The following DAAM2 variants were observed in gnomAD, a reference collection of about 807,000 sequenced individuals.
DAAM2 encodes the protein dishevelled associated activator of morphogenesis 2.
A neutral mutation model predicts 120.7 loss-of-function variants in DAAM2; 39 were observed. The ratio of observed to expected loss-of-function variants is 0.32; its 90% CI spans 0.25 to 0.42. The LOEUF (loss-of-function observed/expected upper bound fraction) is 0.42. Ranked by LOEUF, DAAM2 falls within the 10% of genes least tolerant of loss-of-function variation. DAAM2 has a pLI of 1.00. For missense variants in DAAM2, 1,283 were observed against 1,401.7 expected (o/e 0.92, Z 1.35); for synonymous variants, 488 against 524.9 (o/e 0.93, Z 0.96).
rs1764941780 is a variant in DAAM2 at position 39,878,021 on chromosome 6, A to G, written c.1302-182A>G. Among the ~76,000 whole-genome samples the G allele has an allele frequency of 6.6e-6, 1 of 152,158 alleles. No homozygotes were observed. Among genetic ancestry groups the G allele is most frequent in the Non-Finnish European group, 1.5e-5 (1 of 68,024 alleles). On this transcript the variant is annotated intron_variant, in intron 11 of 24. Coordinates refer to ENST00000274867, the MANE Select transcript of DAAM2 (RefSeq NM_001201427.2). This position sits in a 1 kb window ranked among gnomAD's most constrained non-coding sequence, Gnocchi z 5.0. ...TCTCTCACGGTCTCCACAGACACAT[A>G]ATGTGAACGGGGCAGGGGACCTGGA...
chr6:39,803,368 C>T (rs183666576), intron 1 of DAAM2, among the ~76,000 whole-genome samples: 21 of 152,302 alleles, frequency 1.4e-4, no homozygotes, highest in African/African-American at 3.6e-4. Context: ...ATTCCTGAGA[C>T]GTTCACAGCT....
At chr6:39,819,404 A>G (rs2114118859) in intron 1 of DAAM2, 1 of 152,322 alleles carries the variant, frequency 6.6e-6, no homozygotes, top group South Asian at 2.1e-4. Context: ...CTAACATTTG[A>G]CACATCTAAT....
At chr6:39,823,996 G>C (rs988695279) in intron 1 of DAAM2, among the ~76,000 whole-genome samples, 1 of 152,054 alleles carries the variant, frequency 6.6e-6, no homozygotes, top group African/African-American at 2.4e-5. Context: ...GCCCTGGGTG[G>C]TCATTCTGGT....
intron 1 of DAAM2, among the ~76,000 whole-genome samples, chr6:39,844,456 G>C (rs1460849633): frequency 6.6e-6 from 1 of 152,038 alleles, no homozygotes; most frequent in African/African-American, 2.4e-5. Flanking sequence ...AAGAGCCCTA[G>C]TTTGGGCATC....
intron 1 of DAAM2, among the ~76,000 whole-genome samples, chr6:39,804,263 G>C (rs1232409736): frequency 1.3e-5 from 2 of 152,136 alleles, no homozygotes; most frequent in African/African-American, 4.8e-5. Flanking sequence ...AGACTCTTCT[G>C]TTAACAGATT....
chr6:39,892,195 G>C (rs1363425465), intron 19 of DAAM2, among the ~76,000 whole-genome samples: 1 of 152,204 alleles, frequency 6.6e-6, no homozygotes, highest in Non-Finnish European at 1.5e-5. Flanking sequence ...TCTGAGTCAG[G>C]AACACTTCCA....
intron 10 of DAAM2, among the ~76,000 whole-genome samples, chr6:39,874,013 CACCATAATGGT>C (rs1272791357): frequency 1.3e-5 from 2 of 152,300 alleles, no homozygotes; most frequent in East Asian, 3.9e-4. Context: ...CAGTGTGGCC[CACCATAATGGT>C]TGATGTTGGC....
intron 1 of DAAM2, among the ~76,000 whole-genome samples, chr6:39,833,771 A>G (rs369793574): frequency 6.6e-6 from 1 of 152,232 alleles, no homozygotes. Context: ...GTACAAGAAA[A>G]GAAAGAAAAG....
At chr6:39,887,811 G>A (rs778962900) in intron 16 of DAAM2, 22 of 511,442 alleles carry the variant, frequency 4.3e-5, no homozygotes, top group Admixed American at 2.0e-4. Flanking sequence ...CCTGGTCAGC[G>A]TCTGGCAGCT....
intron 1 of DAAM2, among the ~76,000 whole-genome samples, chr6:39,853,106 T>C (rs1380822727): frequency 6.6e-6 from 1 of 152,226 alleles, no homozygotes; most frequent in Non-Finnish European, 1.5e-5. Context: ...GCCTGGCTGC[T>C]GGAATCCTGG....
Position 39,896,969 on chromosome 6 carries a change from C to T in DAAM2, c.2499C>T (p.Ser833=), listed in dbSNP as rs1766137540. 6.2e-7 allele frequency: 1 copy of T among 1,608,352 alleles called. No individual in the cohort carries two copies. The highest frequency in any genetic ancestry group is 1.1e-5 in the South Asian group (1 of 89,954). The change falls in exon 20 of 25, where the codon TCC becomes TCT. Residue 833 remains serine, a synonymous_variant. Transcript: ENST00000274867. ...TCAACAAGATCGCTGACACCAAGTCCAGCATCGACAGGTGAGGACCTCCCT... is the reference window on the plus strand; with the variant it reads ...TCAACAAGATCGCTGACACCAAGTCTAGCATCGACAGGTGAGGACCTCCCT... ...ASLNKIADTK[S]SIDRNISLLH...
rs766996048 is a variant in DAAM2, at chr6:39,860,118, CT to C, written c.169-806del. On this transcript the variant is annotated intron_variant, in intron 2 of 24. Coordinates refer to ENST00000274867, the MANE Select transcript of DAAM2 (RefSeq NM_001201427.2). Reference sequence around the variant, plus strand: ...AGGAGAGGCAGCTTCAAAAATAGAGCTTTTCAGGGGCCGTCTAGCACAGCAA... The same window carrying C: ...AGGAGAGGCAGCTTCAAAAATAGAGCTTTCAGGGGCCGTCTAGCACAGCAA... Among the ~76,000 whole-genome samples, 39 of 152,328 alleles carry C rather than the reference CT, an allele frequency of 2.6e-4. 1 individual carries two copies. Among genetic ancestry groups the C allele is most frequent in the African/African-American group, 6.7e-4 (28 of 41,580 alleles).
intron 8 of DAAM2, 31 bp downstream of exon 8, chr6:39,870,474 A>G (rs964177492): frequency 6.5e-6 from 9 of 1,380,298 alleles, no homozygotes; most frequent in Non-Finnish European, 9.1e-6. Flanking sequence ...TCCATTGCAA[A>G]CCTGTGGGGA....
At chr6:39,850,570 T>C (rs1162079301) in intron 1 of DAAM2, among the ~76,000 whole-genome samples, 4 of 152,172 alleles carry the variant, frequency 2.6e-5, no homozygotes, top group Non-Finnish European at 4.4e-5. Flanking sequence ...GCACATTTGT[T>C]TGAATGAGAC....
At chr6:39,888,610 G>A in intron 16 of DAAM2, 69 bp from the exon 17 acceptor site, 2 of 1,351,810 alleles carry the variant, frequency 1.5e-6, no homozygotes, top group Non-Finnish European at 2.1e-6. Flanking sequence ...ATGAGGGAAG[G>A]CGGAGGTGGT....
intron 14 of DAAM2, among the ~76,000 whole-genome samples, chr6:39,880,773 A>G (rs1021289636): frequency 5.3e-5 from 8 of 152,188 alleles, no homozygotes; most frequent in Admixed American, 2.0e-4. Context: ...CTCTGATAAC[A>G]TCTCCAATCT....
At chr6:39,814,759 G>C (rs1762261121) in intron 1 of DAAM2, among the ~76,000 whole-genome samples, 1 of 152,210 alleles carries the variant, frequency 6.6e-6, no homozygotes, top group South Asian at 2.1e-4. Flanking sequence ...GAGCCCTGCT[G>C]TATGGAGTGT....
chr6:39,868,445 T>C, intron 6 of DAAM2: 1 of 240,298 alleles, frequency 4.2e-6, no homozygotes, highest in Middle Eastern at 1.5e-3. Flanking sequence ...AACTGGGTCC[T>C]GACTCTGCAG....
chr6:39,837,663 C>CAAA (rs758751293), intron 1 of DAAM2, among the ~76,000 whole-genome samples: 56 of 41,134 alleles, frequency 1.4e-3, no homozygotes, highest in East Asian at 2.5e-3. Flanking sequence ...AACTCCATCT[C>CAAA]AAAAAAAAAA....
Sources: gnomAD v4.1 joint callset for allele counts (sites outside exome capture counted in the v4.1 genomes callset) on GRCh38, gnomAD v4.1.1 for gene constraint, Gnocchi (gnomAD v3.1) non-coding constraint, MANE v1.5 for transcripts, NCBI Gene and HGNC (gene_info 2026-07-23, HGNC 2026-07-21) for gene names.